CNTN5: variants seen among roughly 807,000 people sequenced by gnomAD.
CNTN5 encodes the protein contactin-5.
In CNTN5, 77 loss-of-function variants were observed where a neutral mutation model predicts 129.1. That is an observed-to-expected ratio of 0.60 (90% CI 0.50 to 0.72). CNTN5 has a LOEUF of 0.72. CNTN5 is among the 30% of genes least tolerant of loss of function. CNTN5 has a pLI of 0.00. For missense variants in CNTN5, 1,478 were observed against 1,328.8 expected (o/e 1.11, Z -1.75); for synonymous variants, 509 against 465.6 (o/e 1.09, Z -1.20).
At chr11:99,253,011 T>C (rs1216682478) in intron 1 of CNTN5, among the ~76,000 whole-genome samples, 1 of 151,874 alleles carries the variant, frequency 6.6e-6, no homozygotes, top group Non-Finnish European at 1.5e-5. Context: ...GGTTCCCTTA[T>C]ATATATTTCA....
intron 6 of CNTN5, among the ~76,000 whole-genome samples, chr11:99,875,203 A>G (rs764198645): frequency 6.6e-6 from 1 of 152,136 alleles, no homozygotes; most frequent in Non-Finnish European, 1.5e-5. Flanking sequence ...GACAGAATAG[A>G]TCTCTCCTAA....
At chr11:99,951,027 T>C (rs973193341) in intron 7 of CNTN5, among the ~76,000 whole-genome samples, 1 of 152,182 alleles carries the variant, frequency 6.6e-6, no homozygotes, top group African/African-American at 2.4e-5. Context: ...TAATTTTACA[T>C]GAAATATTGC....
rs183815283 is a variant in CNTN5 at position 99,234,867 on chromosome 11, A to T, written c.-209-90479A>T. Among the ~76,000 whole-genome samples the T allele has an allele frequency of 4.1e-3, 626 of 152,256 alleles. 1 individual carries two copies. The highest frequency in any genetic ancestry group is 0.014 in the Middle Eastern group (4 of 292). The stretch of plus-strand genomic sequence containing the variant: ...TCAATAAGCATCATCATCACCAATA[A>T]AAACAGTTGTGAAAAACTATTCAGC... On this transcript the variant is annotated intron_variant, in intron 1 of 24. Transcript: ENST00000524871.
chr11:100,354,464 C>T (rs555461656), intron 24 of CNTN5, among the ~76,000 whole-genome samples: 30 of 151,636 alleles, frequency 2.0e-4, no homozygotes, highest in African/African-American at 6.3e-4. Flanking sequence ...GAAAGAGTGA[C>T]GAAAGATCAC....
At chr11:99,683,344 T>C (rs917181548) in intron 3 of CNTN5, among the ~76,000 whole-genome samples, 3 of 152,044 alleles carry the variant, frequency 2.0e-5, no homozygotes, top group Middle Eastern at 6.8e-3. Flanking sequence ...AAGTTTTATG[T>C]TTTCCATATG....
chr11:99,536,623 G>A (rs916602463), intron 2 of CNTN5, among the ~76,000 whole-genome samples: 12 of 151,982 alleles, frequency 7.9e-5, no homozygotes, highest in Non-Finnish European at 1.0e-4. Flanking sequence ...GGGGGAGGAA[G>A]AAAAGAACCA....
chr11:99,100,829 A>G (rs1344165364), intron 1 of CNTN5, among the ~76,000 whole-genome samples: 1 of 152,230 alleles, frequency 6.6e-6, no homozygotes, highest in Non-Finnish European at 1.5e-5. Context: ...AAAATTAAAT[A>G]AAATGCACTT....
intron 8 of CNTN5, among the ~76,000 whole-genome samples, chr11:99,980,125 C>A (rs1227358025): frequency 4.0e-5 from 6 of 150,276 alleles, no homozygotes; most frequent in Non-Finnish European, 7.4e-5. Context: ...GTATTAATTT[C>A]TCTCTGGAAC....
At chr11:100,347,773 C>T (rs1952317898) in intron 23 of CNTN5, among the ~76,000 whole-genome samples, 1 of 152,030 alleles carries the variant, frequency 6.6e-6, no homozygotes, top group African/African-American at 2.4e-5. Context: ...CTTTAGATTC[C>T]TCACCCTTTT....
intron 8 of CNTN5, among the ~76,000 whole-genome samples, chr11:99,968,408 T>C (rs1951153668): frequency 1.3e-5 from 2 of 152,220 alleles, no homozygotes; most frequent in Middle Eastern, 3.4e-3. Context: ...CAGCTGAGAA[T>C]GTATGTGTAG....
At chr11:99,858,276 A>G (rs975550863) in intron 6 of CNTN5, among the ~76,000 whole-genome samples, 2 of 152,282 alleles carry the variant, frequency 1.3e-5, no homozygotes, top group Non-Finnish European at 2.9e-5. Flanking sequence ...TCACGAGGTC[A>G]TTTATATCAA....
At chr11:100,105,362 G>T (rs1786374170) in intron 13 of CNTN5, among the ~76,000 whole-genome samples, 1 of 152,052 alleles carries the variant, frequency 6.6e-6, no homozygotes, top group African/African-American at 2.4e-5. Flanking sequence ...CATCTGTGTG[G>T]ATAGAGGGAT....
chr11:99,875,506 C>T (rs1948609736), intron 6 of CNTN5, among the ~76,000 whole-genome samples: 1 of 148,106 alleles, frequency 6.8e-6, no homozygotes, highest in Non-Finnish European at 1.5e-5. Flanking sequence ...TTTCCCATAG[C>T]ACTAAGGTAT....
In CNTN5 at chr11:99,916,156, T is replaced by C. The variant is rs769923727; in HGVS notation, c.673+7T>C. The C allele has an allele frequency of 1.2e-6, 2 of 1,605,326 alleles. No individual in the cohort carries two copies. Among genetic ancestry groups the C allele is most frequent in the Admixed American group, 3.4e-5 (2 of 59,442 alleles). ...CCTCCGCCACATTCACCAGGTACAG[T>C]AGGATCTCATTCTTTGCTGCTGCTG... On this transcript the variant is annotated splice_region_variant and intron_variant, in intron 7 of 24. Coordinates refer to ENST00000524871, the MANE Select transcript of CNTN5 (RefSeq NM_014361.4).
chr11:99,201,022 C>CT (rs755605041), intron 1 of CNTN5, among the ~76,000 whole-genome samples: 3,794 of 83,188 alleles, frequency 0.046, 189 homozygotes, highest in Admixed American at 0.075. Context: ...TCCTTCCTTC[C>CT]TTTTTTTTTT....
intron 1 of CNTN5, among the ~76,000 whole-genome samples, chr11:99,113,727 C>G (rs560830766): frequency 2.3e-4 from 35 of 152,164 alleles, no homozygotes; most frequent in African/African-American, 8.2e-4. Flanking sequence ...CTAGCTGAAA[C>G]CATGAGTGAG....
chr11:99,946,997 T>G (rs1048737473), intron 7 of CNTN5, among the ~76,000 whole-genome samples: 4 of 151,792 alleles, frequency 2.6e-5, no homozygotes, highest in African/African-American at 9.7e-5. Flanking sequence ...AATTAATATA[T>G]AAGCATGATT....
rs1025978288 is a variant in CNTN5, at chr11:99,844,508, A to T, written c.278-344A>T. 73 of 328,190 alleles carry T rather than the reference A, an allele frequency of 2.2e-4. 1 individual carries two copies. The highest frequency in any genetic ancestry group is 3.5e-5 in the Non-Finnish European group (6 of 173,850). The allele number at this position is 328,190 out of a possible 1,614,324, so 20.3% of individuals were successfully genotyped here. On this transcript the variant is annotated intron_variant, in intron 4 of 24. Transcript: ENST00000524871. ...TTTTTAACATTCTAAGAATTTTACA[A>T]ACTTTCAGGTTTTTTAAGATATTGT...
At chr11:99,593,291 AAAAT>A (rs1303107411) in intron 3 of CNTN5, among the ~76,000 whole-genome samples, 1 of 152,142 alleles carries the variant, frequency 6.6e-6, no homozygotes, top group African/African-American at 2.4e-5. Context: ...ATATGTAATA[AAAAT>A]AAATAAATAA....
Sources: allele counts gnomAD v4.1 joint callset (sites outside exome capture counted in the v4.1 genomes callset), GRCh38; gene constraint gnomAD v4.1.1; transcripts MANE v1.5; gene names NCBI Gene and HGNC (gene_info 2026-07-23, HGNC 2026-07-21).